DROSHA: variants seen among roughly 807,000 people sequenced by gnomAD.
DROSHA encodes drosha ribonuclease III, also known as ribonuclease 3.
Under a neutral mutation model 181.9 loss-of-function variants are expected in DROSHA, and 56 were observed. That is an observed-to-expected ratio of 0.31 (90% CI 0.25 to 0.38). The LOEUF (loss-of-function observed/expected upper bound fraction) is 0.38, where lower values mean the gene tolerates loss of function less well. Ranked by LOEUF, DROSHA falls within the 10% of genes least tolerant of loss-of-function variation. DROSHA has a pLI of 1.00. For synonymous variants in DROSHA, 524 were observed against 591.2 expected, an observed-to-expected ratio of 0.89 and a Z score of 1.65; for missense variants, 1,218 against 1,743.5, an observed-to-expected ratio of 0.70 and a Z score of 5.37.
chr5:31,492,204 G>T (rs942577298), intron 13 of DROSHA, among the ~76,000 whole-genome samples: 1 of 152,044 alleles, frequency 6.6e-6, no homozygotes, highest in Non-Finnish European at 1.5e-5. Context: ...TCTTCTCAAA[G>T]AAAATTCTCT....
chr5:31,450,594 C>T (rs1246713188), intron 21 of DROSHA, among the ~76,000 whole-genome samples: 3 of 152,042 alleles, frequency 2.0e-5, no homozygotes, highest in African/African-American at 4.8e-5. Flanking sequence ...AACCAAATAC[C>T]GCATATTCTC....
At chr5:31,488,907 T>A (rs1366262636) in intron 13 of DROSHA, 1 of 152,216 alleles carries the variant, frequency 6.6e-6, no homozygotes, top group Admixed American at 6.5e-5. Flanking sequence ...GAAGAAAGAA[T>A]TGAGGATCAT....
rs1198277870 is a variant in DROSHA at position 31,401,446 on chromosome 5, C to G, written c.4111G>C (p.Asp1371His). 1 of 1,613,086 alleles carries G rather than the reference C, an allele frequency of 6.2e-7. No individual in the cohort carries two copies. The highest frequency in any genetic ancestry group is 2.2e-5 in the East Asian group (1 of 44,802). Reference protein sequence around the residue: ...HQEREPDETEDIKK With the variant: ...HQEREPDETEHIKK ...CATGCCCTCCTTTATTTCTTGATGT[C>G]TTCAGTCTCATCTGGCTCTCTCTCT... Residue 1371 changes from aspartate (D) to histidine (H), a missense_variant, in exon 36 of 36, where the codon GAC becomes CAC. Coordinates refer to ENST00000344624, the MANE Select transcript of DROSHA (RefSeq NM_001382508.1).
intron 11 of DROSHA, among the ~76,000 whole-genome samples, chr5:31,503,068 A>T (rs1199113316): frequency 6.6e-6 from 1 of 152,118 alleles, no homozygotes; most frequent in Non-Finnish European, 1.5e-5. Flanking sequence ...TATCTCACAC[A>T]TGGAGGTCCA....
intron 11 of DROSHA, among the ~76,000 whole-genome samples, chr5:31,498,669 C>T (rs539650360): frequency 1.8e-4 from 27 of 151,928 alleles, no homozygotes; most frequent in Non-Finnish European, 3.7e-4. Context: ...ACCAGCCTGA[C>T]CAACATGGAG....
chr5:31,418,705 T>C (rs1380407908), intron 30 of DROSHA, among the ~76,000 whole-genome samples: 1 of 152,100 alleles, frequency 6.6e-6, no homozygotes, highest in Non-Finnish European at 1.5e-5. Flanking sequence ...GGAATAACAC[T>C]GTCAGGGCTT....
intron 23 of DROSHA, among the ~76,000 whole-genome samples, chr5:31,445,215 C>T (rs987984488): frequency 5.9e-5 from 9 of 152,228 alleles, no homozygotes; most frequent in African/African-American, 1.9e-4. Context: ...GTACCTCACA[C>T]ACAAAGATAA....
chr5:31,531,016 G>A (rs17409755), intron 2 of DROSHA, 92 bp from the exon 3 acceptor site: 107,990 of 392,066 alleles, frequency 0.28, 15,840 homozygotes, highest in South Asian at 0.34. Context: ...ATGTACCTCC[G>A]CAACAGAAAG....
At chr5:31,403,054 G>A (rs1299036941) in intron 35 of DROSHA, among the ~76,000 whole-genome samples, 26 of 152,210 alleles carry the variant, frequency 1.7e-4, no homozygotes, top group Admixed American at 1.7e-3. Flanking sequence ...TTAAAGGCAT[G>A]AGCCACCATG....
chr5:31,531,096 A>G (rs1255703733), intron 2 of DROSHA, among the ~76,000 whole-genome samples, 172 bp from the exon 3 acceptor site: 4 of 152,218 alleles, frequency 2.6e-5, no homozygotes, highest in African/African-American at 9.7e-5. Flanking sequence ...CAGGCCCTGT[A>G]GACTCAGAGA....
At chr5:31,478,336 T>A (rs186785251) in intron 16 of DROSHA, among the ~76,000 whole-genome samples, 4 of 152,222 alleles carry the variant, frequency 2.6e-5, no homozygotes, top group Non-Finnish European at 5.9e-5. Context: ...CTCAAAATGT[T>A]TTACGAAAGT....
chr5:31,467,939 TGTGG>T lies in DROSHA; in HGVS notation c.2362_2365del (p.Pro788SerfsTer10). The T allele has an allele frequency of 6.2e-7, 1 of 1,611,348 alleles. No homozygotes were observed. The highest frequency in any genetic ancestry group is 8.5e-7 in the Non-Finnish European group (1 of 1,178,670). On this transcript the variant is annotated frameshift_variant and splice_region_variant, in exon 18 of 36. Coordinates refer to ENST00000344624, the MANE Select transcript of DROSHA (RefSeq NM_001382508.1). LOFTEE classifies it high-confidence loss of function. ...AGACAAACACTGAGAAATATCTTAC[TGTGG>T]GTCTCCTGCATAACTCAACTGTGCA...
intron 5 of DROSHA, among the ~76,000 whole-genome samples, chr5:31,524,852 T>C (rs534840918): frequency 6.6e-6 from 1 of 152,300 alleles, no homozygotes; most frequent in East Asian, 1.9e-4. Context: ...ATTTTTAAAA[T>C]ACAACTTTCT....
intron 23 of DROSHA, 45 bp from the exon 24 acceptor site, chr5:31,437,343 C>G: frequency 6.6e-7 from 1 of 1,508,072 alleles, no homozygotes; most frequent in Non-Finnish European, 9.0e-7. Context: ...CATATTAACA[C>G]TCCCCCCCAC....
chr5:31,424,499 C>A, intron 27 of DROSHA, 28 bp from the exon 28 acceptor site: 1 of 1,577,750 alleles, frequency 6.3e-7, no homozygotes, highest in Non-Finnish European at 8.6e-7. Context: ...GCCTTTAATG[C>A]TCAAGGGAGC....
chr5:31,480,178 GTA>G (rs55828936), intron 16 of DROSHA, among the ~76,000 whole-genome samples: 1,487 of 84,856 alleles, frequency 0.018, 88 homozygotes, highest in African/African-American at 0.047. Flanking sequence ...GGCAATGTCA[GTA>G]TATATATATA....
chr5:31,410,448 T>A (rs1741173630), intron 31 of DROSHA, among the ~76,000 whole-genome samples: 1 of 152,220 alleles, frequency 6.6e-6, no homozygotes, highest in African/African-American at 2.4e-5. Flanking sequence ...TTACAACAAC[T>A]GATCTTCATA....
chr5:31,507,287 C>A (rs1231160962), intron 10 of DROSHA, among the ~76,000 whole-genome samples: 1 of 152,058 alleles, frequency 6.6e-6, no homozygotes, highest in Non-Finnish European at 1.5e-5. Context: ...ATGGAGAAAC[C>A]CTATCTCTAC....
At chr5:31,453,482 G>C (rs540110186) in intron 20 of DROSHA, among the ~76,000 whole-genome samples, 1 of 152,266 alleles carries the variant, frequency 6.6e-6, no homozygotes, top group Non-Finnish European at 1.5e-5. Flanking sequence ...GATTACATAG[G>C]TGTGAGCCAC....
Sources: allele counts gnomAD v4.1 joint callset (sites outside exome capture counted in the v4.1 genomes callset), GRCh38; gene constraint gnomAD v4.1.1; transcripts MANE v1.5; gene names NCBI Gene and HGNC (gene_info 2026-07-23, HGNC 2026-07-21).